NALF1: variants seen among roughly 807,000 people sequenced by gnomAD.
NALF1 encodes family with sequence similarity 155 member A.
A neutral mutation model predicts 48.4 loss-of-function variants in NALF1; 3 were observed. That is an observed-to-expected ratio of 0.06 (90% confidence interval 0.03 to 0.16). The LOEUF is 0.16. NALF1 is among the 10% of genes least tolerant of loss of function. The pLI, the probability that NALF1 is intolerant of heterozygous loss-of-function variation, is 1.00. For synonymous variants in NALF1, 262 were observed against 245.7 expected (o/e 1.07, Z -0.62); for missense variants, 526 against 571.5 (o/e 0.92, Z 0.81).
intron 2 of NALF1, among the ~76,000 whole-genome samples, chr13:107,184,976 A>G (rs1283775111): frequency 6.6e-6 from 1 of 152,186 alleles, no homozygotes; most frequent in African/African-American, 2.4e-5. Context: ...TCCTTAATCC[A>G]GTAAGACATA....
intron 1 of NALF1, among the ~76,000 whole-genome samples, chr13:107,650,740 A>C (rs1880432207): frequency 6.6e-6 from 1 of 152,178 alleles, no homozygotes; most frequent in Non-Finnish European, 1.5e-5. Flanking sequence ...AATAAAAATA[A>C]AAAATAAAGA....
intron 1 of NALF1, among the ~76,000 whole-genome samples, chr13:107,490,617 G>T (rs1665446604): frequency 3.3e-5 from 5 of 152,070 alleles, no homozygotes. Context: ...TGGGTACGAG[G>T]CTTAATACCT....
At chr13:107,538,880 C>T (rs2139117061) in intron 1 of NALF1, among the ~76,000 whole-genome samples, 1 of 152,194 alleles carries the variant, frequency 6.6e-6, no homozygotes, top group Non-Finnish European at 1.5e-5. Context: ...GTCAATATAG[C>T]TTAGCTTTCA....
chr13:107,738,048 G>T (rs1174165974), intron 1 of NALF1, among the ~76,000 whole-genome samples: 1 of 152,012 alleles, frequency 6.6e-6, no homozygotes, highest in African/African-American at 2.4e-5. Flanking sequence ...TTAAAAACAC[G>T]GCTCTTTGCA....
intron 1 of NALF1, among the ~76,000 whole-genome samples, chr13:107,664,669 C>T (rs1019927489): frequency 4.6e-5 from 7 of 152,174 alleles, no homozygotes; most frequent in African/African-American, 1.7e-4. Flanking sequence ...TACACAAATA[C>T]AAACACAAGG....
chr13:107,183,023 T>A (rs1055544485), intron 2 of NALF1, among the ~76,000 whole-genome samples: 1 of 152,302 alleles, frequency 6.6e-6, no homozygotes, highest in East Asian at 1.9e-4. Flanking sequence ...TGTATGGCCA[T>A]GAGAAAGGAG....
chr13:107,782,935 C>G (rs966103176), intron 1 of NALF1, among the ~76,000 whole-genome samples: 1 of 149,916 alleles, frequency 6.7e-6, no homozygotes, highest in African/African-American at 2.5e-5. Context: ...GGTCACCCCC[C>G]GCCCGGCCAG....
At chr13:107,224,559 T>C (rs1880063285) in intron 1 of NALF1, among the ~76,000 whole-genome samples, 1 of 151,930 alleles carries the variant, frequency 6.6e-6, no homozygotes, top group African/African-American at 2.4e-5. Context: ...ATAAATTTTA[T>C]GTCCGTAGCA....
intron 1 of NALF1, among the ~76,000 whole-genome samples, chr13:107,590,476 C>G (rs1325352610): frequency 6.6e-6 from 1 of 151,950 alleles, no homozygotes; most frequent in East Asian, 1.9e-4. Context: ...ATATAATAAA[C>G]CATCTCCATT....
chr13:107,290,670 C>G (rs1881602974), intron 1 of NALF1, among the ~76,000 whole-genome samples: 1 of 152,148 alleles, frequency 6.6e-6, no homozygotes, highest in Non-Finnish European at 1.5e-5. Flanking sequence ...TCTTTATCAG[C>G]AGCATGAAAA....
At chr13:107,201,603 A>G (rs1436719437) in intron 2 of NALF1, among the ~76,000 whole-genome samples, 1 of 152,156 alleles carries the variant, frequency 6.6e-6, no homozygotes, top group East Asian at 1.9e-4. Context: ...AAAGAAAAAA[A>G]AATGACCTCT....
intron 1 of NALF1, among the ~76,000 whole-genome samples, chr13:107,219,157 G>A (rs1398249057): frequency 2.0e-5 from 3 of 152,168 alleles, no homozygotes; most frequent in Non-Finnish European, 2.9e-5. Flanking sequence ...AGTGTTGGCC[G>A]TGGATGGATA....
intron 1 of NALF1, among the ~76,000 whole-genome samples, chr13:107,420,870 T>C (rs1294332742): frequency 6.6e-6 from 1 of 152,178 alleles, no homozygotes; most frequent in African/African-American, 2.4e-5. Flanking sequence ...TTCTTTGTCA[T>C]TAGCTAGAAG....
At chr13:107,194,542 C>A (rs990795218) in intron 2 of NALF1, among the ~76,000 whole-genome samples, 3 of 152,106 alleles carry the variant, frequency 2.0e-5, no homozygotes, top group East Asian at 3.9e-4. Flanking sequence ...AAAACTGGAG[C>A]CCCATCTCTC....
intron 1 of NALF1, among the ~76,000 whole-genome samples, chr13:107,270,408 T>C (rs569343326): frequency 6.6e-6 from 1 of 152,206 alleles, no homozygotes; most frequent in South Asian, 2.1e-4. Flanking sequence ...TATATTTTGG[T>C]AAATGTACCA....
At chr13:107,833,146 G>A (rs973285184) in intron 1 of NALF1, among the ~76,000 whole-genome samples, 1 of 149,452 alleles carries the variant, frequency 6.7e-6, no homozygotes, top group Non-Finnish European at 1.5e-5. Flanking sequence ...TGGTCCCTGC[G>A]CCTCCTTTAG....
At chr13:107,759,785 A>G (rs1383276725) in intron 1 of NALF1, among the ~76,000 whole-genome samples, 1 of 148,610 alleles carries the variant, frequency 6.7e-6, no homozygotes, top group Admixed American at 6.7e-5. Context: ...TTTTTCTGGG[A>G]CTTAGTTAAT....
At chr13:107,173,646 G>A (rs1454036001) in intron 2 of NALF1, among the ~76,000 whole-genome samples, 1 of 152,116 alleles carries the variant, frequency 6.6e-6, no homozygotes, top group East Asian at 1.9e-4. Flanking sequence ...CCTGTATCCT[G>A]TGCCTCGTCC....
chr13:107,719,818 A>T (rs1255370272), intron 1 of NALF1, among the ~76,000 whole-genome samples: 1 of 152,144 alleles, frequency 6.6e-6, no homozygotes, highest in Middle Eastern at 3.4e-3. Context: ...CTCTAACCCA[A>T]ATAATACCAA....
Sources: gnomAD v4.1 joint callset for allele counts (sites outside exome capture counted in the v4.1 genomes callset) on GRCh38, gnomAD v4.1.1 for gene constraint, MANE v1.5 for transcripts, NCBI Gene and HGNC (gene_info 2026-07-23, HGNC 2026-07-21) for gene names.